GRIK3: variants seen among roughly 807,000 people sequenced by gnomAD.
GRIK3 encodes the protein glutamate ionotropic receptor kainate type subunit 3.
Under a neutral mutation model 102.5 loss-of-function variants are expected in GRIK3, and 29 were observed. The ratio of observed to expected loss-of-function variants is 0.28; its 90% CI spans 0.21 to 0.39. The LOEUF is 0.39. Among genes scored for constraint, GRIK3 ranks in the 10% least tolerant of loss-of-function variants. GRIK3 has a pLI of 1.00. For synonymous variants in GRIK3, 511 were observed against 504.9 expected (o/e 1.01, Z -0.16); for missense variants, 908 against 1,252.4 (o/e 0.73, Z 4.15).
chr1:36,937,439 T>C (rs774818044), intron 1 of GRIK3, among the ~76,000 whole-genome samples: 4 of 152,208 alleles, frequency 2.6e-5, no homozygotes, highest in Non-Finnish European at 4.4e-5. Flanking sequence ...ATGGAAGCTA[T>C]AATCAGCCTG....
At position 36,949,547 on chromosome 1, in the gene GRIK3, C is replaced by CT. The variant is rs1007130449; in HGVS notation, c.116-58452dup. The stretch of plus-strand genomic sequence containing the variant: ...TACTTTGCATGTCTTTCTTTTCTTT[C>CT]TTTTTTTTCTTTCTCTCTCTCTCTT... On this transcript the variant is annotated intron_variant, in intron 1 of 15. Coordinates refer to ENST00000373091, the MANE Select transcript of GRIK3 (RefSeq NM_000831.4). 3.1e-3 allele frequency among the ~76,000 whole-genome samples: 379 copies of CT among 122,770 alleles called. 3 individuals are homozygous for CT. The highest frequency in any genetic ancestry group is 9.9e-3 in the African/African-American group (341 of 34,614). 80.5% of individuals were successfully genotyped at this position (122,770 alleles called of 152,430 possible).
chr1:36,817,280 G>A lies in GRIK3; in HGVS notation c.1874-3C>T. Reference sequence around the variant, plus strand: ...GGCTTTGGGCATCAGCTCAGACCCTGGGCGAAGAGAGGAGATAGTCAGTCC... The same window carrying A: ...GGCTTTGGGCATCAGCTCAGACCCTAGGCGAAGAGAGGAGATAGTCAGTCC... On this transcript the variant is annotated splice_region_variant and splice_polypyrimidine_tract_variant and intron_variant, in intron 12 of 15. Coordinates refer to ENST00000373091, the MANE Select transcript of GRIK3 (RefSeq NM_000831.4). 6.2e-7 allele frequency: 1 copy of A among 1,600,108 alleles called. No homozygotes were observed. The highest frequency in any genetic ancestry group is 8.6e-7 in the Non-Finnish European group (1 of 1,167,208).
intron 10 of GRIK3, among the ~76,000 whole-genome samples, chr1:36,829,264 C>T (rs964257169): frequency 1.3e-5 from 2 of 152,186 alleles, no homozygotes; most frequent in African/African-American, 4.8e-5. Context: ...GAATGAAAGG[C>T]CCAATCTTGG....
At chr1:36,967,420 C>T (rs1368328450) in intron 1 of GRIK3, among the ~76,000 whole-genome samples, 4 of 152,228 alleles carry the variant, frequency 2.6e-5, no homozygotes, top group African/African-American at 7.2e-5. Context: ...GATCACTCTA[C>T]AGCATATAGC....
At position 37,034,407 on chromosome 1, in the gene GRIK3, C is replaced by T. The variant is rs1468660189; in HGVS notation, c.-299G>A. Among the ~76,000 whole-genome samples, 1 of 151,060 alleles carries T rather than the reference C, an allele frequency of 6.6e-6. No homozygotes were observed. The highest frequency in any genetic ancestry group is 6.6e-5 in the Admixed American group (1 of 15,204). ...GCTCCGACTCGCGTCGGCTCGGCTCCCGCGCGGGCTCCCACCTGCCCCGGC... is the reference window on the plus strand; with the variant it reads ...GCTCCGACTCGCGTCGGCTCGGCTCTCGCGCGGGCTCCCACCTGCCCCGGC... On this transcript the variant is annotated 5_prime_UTR_variant, in exon 1 of 16. Coordinates refer to ENST00000373091, the MANE Select transcript of GRIK3 (RefSeq NM_000831.4).
At chr1:37,017,525 A>G (rs1642665702) in intron 1 of GRIK3, among the ~76,000 whole-genome samples, 1 of 152,180 alleles carries the variant, frequency 6.6e-6, no homozygotes, top group African/African-American at 2.4e-5. Context: ...AGCCAGGAGC[A>G]GGCACTGGCC....
intron 1 of GRIK3, among the ~76,000 whole-genome samples, chr1:36,930,724 T>C (rs546894214): frequency 1.3e-5 from 2 of 152,298 alleles, no homozygotes; most frequent in African/African-American, 4.8e-5. Flanking sequence ...GAGTGGGGTA[T>C]GGGGGAAATA....
intron 1 of GRIK3, among the ~76,000 whole-genome samples, chr1:36,972,487 G>A (rs1251375463): frequency 3.9e-5 from 6 of 152,172 alleles, no homozygotes; most frequent in Non-Finnish European, 5.9e-5. Context: ...GGTAGGAGCA[G>A]GGTCTTGAGA....
intron 10 of GRIK3, among the ~76,000 whole-genome samples, chr1:36,827,220 G>A (rs187928175): frequency 5.6e-4 from 86 of 152,254 alleles, no homozygotes; most frequent in Admixed American, 1.8e-3. Context: ...GAGCTGGGGC[G>A]GAGTCTCTGC....
chr1:36,908,932 C>A (rs1161355567), intron 1 of GRIK3, among the ~76,000 whole-genome samples: 1 of 152,102 alleles, frequency 6.6e-6, no homozygotes, highest in African/African-American at 2.4e-5. Flanking sequence ...ATAACAACAA[C>A]CACAGCAGTA....
At chr1:36,896,497 A>T (rs1641173774) in intron 1 of GRIK3, among the ~76,000 whole-genome samples, 1 of 152,182 alleles carries the variant, frequency 6.6e-6, no homozygotes, top group Non-Finnish European at 1.5e-5. Context: ...ACTACTAAAA[A>T]AATAGTACAA....
At chr1:37,026,745 A>C (rs1642768313) in intron 1 of GRIK3, among the ~76,000 whole-genome samples, 2 of 152,136 alleles carry the variant, frequency 1.3e-5, no homozygotes, top group South Asian at 4.1e-4. Flanking sequence ...GTCACACAGC[A>C]AGTACACATT....
At chr1:36,853,988 C>G (rs746116823) in intron 7 of GRIK3, among the ~76,000 whole-genome samples, 1 of 152,150 alleles carries the variant, frequency 6.6e-6, no homozygotes, top group Non-Finnish European at 1.5e-5. Flanking sequence ...GAGCCCCCGC[C>G]CTGAAGTCAT....
At chr1:36,919,925 A>C (rs1027421396) in intron 1 of GRIK3, among the ~76,000 whole-genome samples, 42 of 152,350 alleles carry the variant, frequency 2.8e-4, no homozygotes, top group Middle Eastern at 3.4e-3. Flanking sequence ...AGCCAGCTCC[A>C]TCCCTGCCAT....
At chr1:36,818,611 T>C (rs1330679969) in intron 12 of GRIK3, among the ~76,000 whole-genome samples, 1 of 152,264 alleles carries the variant, frequency 6.6e-6, no homozygotes, top group Non-Finnish European at 1.5e-5. Context: ...GTTTCTCGCA[T>C]GTGGGACAGA....
Position 36,880,721 on chromosome 1 carries a change from C to T in GRIK3, c.463G>A (p.Asp155Asn), listed in dbSNP as rs372996542. 87 of 1,614,010 alleles carry T rather than the reference C, an allele frequency of 5.4e-5. No individual in the cohort carries two copies. The highest frequency in any genetic ancestry group is 8.9e-5 in the East Asian group (4 of 44,888). ...ATGGCATGGCTGAGCGAGGCGTAGT[C>T]GGGGTAGAGGTTCACGTAGAAGGTG... Reference protein sequence around the residue: ...KDTFYVNLYPDYASLSHAILD... With the variant: ...KDTFYVNLYPNYASLSHAILD... Residue 155 changes from aspartate to asparagine, a missense_variant, in exon 3 of 16, where the codon GAC becomes AAC. This residue lies in a region of GRIK3 where 585 missense variants were observed against 824.9 expected (regional missense o/e 0.71). Coordinates refer to ENST00000373091, the MANE Select transcript of GRIK3 (RefSeq NM_000831.4). This position sits in a 1 kb window ranked among gnomAD's most constrained non-coding sequence, Gnocchi z 5.4.
intron 1 of GRIK3, among the ~76,000 whole-genome samples, chr1:36,971,236 C>A (rs1642136405): frequency 1.3e-5 from 2 of 152,218 alleles, no homozygotes; most frequent in African/African-American, 4.8e-5. Flanking sequence ...CCTCATCATC[C>A]TTCTGACTCC....
chr1:36,840,856 T>C (rs891122313), intron 10 of GRIK3, among the ~76,000 whole-genome samples: 1 of 152,248 alleles, frequency 6.6e-6, no homozygotes, highest in Non-Finnish European at 1.5e-5. Flanking sequence ...CTGAGAACTA[T>C]GATGTGTTTG....
chr1:36,817,630 C>T (rs1203332817), intron 12 of GRIK3, among the ~76,000 whole-genome samples: 3 of 152,166 alleles, frequency 2.0e-5, no homozygotes, highest in African/African-American at 4.8e-5. Flanking sequence ...TCATCAAAAC[C>T]TCAGATGCCT....
Sources: gnomAD v4.1 joint callset for allele counts (sites outside exome capture counted in the v4.1 genomes callset) on GRCh38, gnomAD v4.1.1 for gene constraint, gnomAD v4.1.1 regional missense constraint, Gnocchi (gnomAD v3.1) non-coding constraint, MANE v1.5 for transcripts, NCBI Gene and HGNC (gene_info 2026-07-23, HGNC 2026-07-21) for gene names.